Variants in KCNAB1 observed in about 807,000 individuals in gnomAD.
KCNAB1 encodes the protein voltage-gated potassium channel subunit beta-1.
Under a neutral mutation model 64.6 loss-of-function variants are expected in KCNAB1, and 35 were observed. The ratio of observed to expected loss-of-function variants is 0.54; its 90% CI spans 0.41 to 0.72. The LOEUF (loss-of-function observed/expected upper bound fraction) is 0.72, where lower values mean the gene tolerates loss of function less well. Among genes scored for constraint, KCNAB1 ranks in the 30% least tolerant of loss-of-function variants. The probability of loss-of-function intolerance (pLI) is 0.00; values close to 1 mark genes in which losing one functional copy is unlikely to be tolerated. For missense variants in KCNAB1, 401 were observed against 512.9 expected (o/e 0.78, Z 2.11); for synonymous variants, 177 against 183.8 (o/e 0.96, Z 0.30).
intron 8 of KCNAB1, among the ~76,000 whole-genome samples, chr3:156,484,663 A>G (rs2108338967): frequency 6.6e-6 from 1 of 152,102 alleles, no homozygotes; most frequent in African/African-American, 2.4e-5. Flanking sequence ...GCAGCAACAC[A>G]CTCTGAGGGT....
chr3:156,406,659 G>A (rs759978740), intron 1 of KCNAB1, among the ~76,000 whole-genome samples: 7 of 152,112 alleles, frequency 4.6e-5, no homozygotes, highest in Non-Finnish European at 8.8e-5. Context: ...TTGTCATGTT[G>A]GTCACTTAAC....
intron 2 of KCNAB1, among the ~76,000 whole-genome samples, chr3:156,445,519 C>T (rs1056302862): frequency 1.2e-4 from 18 of 152,114 alleles, no homozygotes; most frequent in African/African-American, 4.1e-4. Context: ...TATTCAAATG[C>T]GCAGTTGTGG....
At chr3:156,335,853 G>GTT (rs4056366) in intron 1 of KCNAB1, among the ~76,000 whole-genome samples, 28,512 of 135,102 alleles carry the variant, frequency 0.21, 2,945 homozygotes, top group South Asian at 0.41. Flanking sequence ...AATTGTTTGG[G>GTT]TTTTTTTTTT....
intron 1 of KCNAB1, among the ~76,000 whole-genome samples, chr3:156,218,306 C>T (rs1402639125): frequency 6.6e-6 from 1 of 152,162 alleles, no homozygotes; most frequent in African/African-American, 2.4e-5. Flanking sequence ...GGACTGGGAA[C>T]CACATTGCCA....
chr3:156,301,649 G>C (rs1721162255), intron 1 of KCNAB1, among the ~76,000 whole-genome samples: 1 of 152,214 alleles, frequency 6.6e-6, no homozygotes, highest in Admixed American at 6.5e-5. Flanking sequence ...CAAGGAAGGA[G>C]TTTAAGGTTT....
chr3:156,291,946 G>T, intron 1 of KCNAB1: 2 of 1,614,176 alleles, frequency 1.2e-6, no homozygotes, highest in Non-Finnish European at 8.5e-7. Context: ...ACAATTTGAA[G>T]AGTCGGAATG....
chr3:156,354,489 C>T (rs898653536), intron 1 of KCNAB1, among the ~76,000 whole-genome samples: 3 of 151,910 alleles, frequency 2.0e-5, no homozygotes, highest in Admixed American at 1.3e-4. Context: ...ATTTAAGCCT[C>T]AAATCACCGG....
intron 1 of KCNAB1, among the ~76,000 whole-genome samples, chr3:156,360,558 T>C (rs998463212): frequency 1.3e-5 from 2 of 151,746 alleles, no homozygotes; most frequent in Non-Finnish European, 2.9e-5. Flanking sequence ...AAAATAAAAA[T>C]AAAAAATTAG....
At chr3:156,419,038 A>C (rs760051540) in intron 1 of KCNAB1, among the ~76,000 whole-genome samples, 1 of 152,180 alleles carries the variant, frequency 6.6e-6, no homozygotes. Flanking sequence ...GCTAGTTTGC[A>C]GTTTGTTTTT....
intron 1 of KCNAB1, among the ~76,000 whole-genome samples, chr3:156,148,205 C>G (rs1006710231): frequency 2.0e-4 from 31 of 152,202 alleles, no homozygotes; most frequent in African/African-American, 7.5e-4. Context: ...CTCCAACCCA[C>G]AGGGTCTCCT....
chr3:156,478,074 G>A (rs775779327), intron 8 of KCNAB1, among the ~76,000 whole-genome samples: 21 of 152,202 alleles, frequency 1.4e-4, no homozygotes, highest in Middle Eastern at 3.4e-3. Flanking sequence ...GTTAGTTAAT[G>A]ATATTCTATT....
At chr3:156,330,036 C>T (rs114508500) in intron 1 of KCNAB1, among the ~76,000 whole-genome samples, 2,173 of 151,678 alleles carry the variant, frequency 0.014, 21 homozygotes, top group South Asian at 0.031. Context: ...ATTAATTTCC[C>T]GAAATAGAAT....
At chr3:156,500,674 A>G (rs1221379904) in intron 8 of KCNAB1, among the ~76,000 whole-genome samples, 1 of 152,230 alleles carries the variant, frequency 6.6e-6, no homozygotes, top group Non-Finnish European at 1.5e-5. Flanking sequence ...TCGTTTAGCT[A>G]TTCTAAGTTA....
rs1011355161 is a variant in KCNAB1, at chr3:156,463,826, C to T, written c.527+80C>T. The T allele has an allele frequency of 3.1e-5, 35 of 1,114,154 alleles. No individual in the cohort carries two copies. In the African/African-American group the frequency reaches 4.0e-4, roughly 13 times the overall value. The allele number at this position is 1,114,154 out of a possible 1,614,324, so 69.0% of individuals were successfully genotyped here. A position where few individuals can be genotyped will look rare whatever the true frequency, so the allele number is the denominator to read the frequency against. Reference sequence around the variant, plus strand: ...TGTTAGGCAGTTATTTTACATATAACGTACCAAAATTAATTGGCTTAGAGA... The same window carrying T: ...TGTTAGGCAGTTATTTTACATATAATGTACCAAAATTAATTGGCTTAGAGA... On this transcript the variant is annotated intron_variant, in intron 6 of 13. Transcript: ENST00000490337.
At chr3:156,160,163 A>G (rs750846475) in intron 1 of KCNAB1, among the ~76,000 whole-genome samples, 10 of 152,196 alleles carry the variant, frequency 6.6e-5, no homozygotes, top group Non-Finnish European at 1.0e-4. Context: ...AGGAAACAGC[A>G]TGTTTGAAGG....
intron 1 of KCNAB1, among the ~76,000 whole-genome samples, chr3:156,256,534 C>T (rs531234614): frequency 9.2e-5 from 14 of 152,308 alleles, no homozygotes; most frequent in African/African-American, 3.4e-4. Flanking sequence ...TTAGCCCCAC[C>T]AATGTGAGTG....
intron 2 of KCNAB1, among the ~76,000 whole-genome samples, chr3:156,437,559 T>C (rs1261460968): frequency 6.6e-6 from 1 of 152,162 alleles, no homozygotes. Flanking sequence ...TGCACCTTAC[T>C]CTAGCAGGAC....
At chr3:156,460,074 C>G (rs1191400830) in intron 5 of KCNAB1, 1 of 498,134 alleles carries the variant, frequency 2.0e-6, no homozygotes, top group African/African-American at 2.0e-5. Context: ...TCATTGATCA[C>G]AATGAATTAC....
chr3:156,171,132 T>C (rs1043541693), intron 1 of KCNAB1, among the ~76,000 whole-genome samples: 1 of 151,256 alleles, frequency 6.6e-6, no homozygotes, highest in East Asian at 1.9e-4. Context: ...TTAAATATGT[T>C]GCCTAAGACC....
Sources: allele counts gnomAD v4.1 joint callset (sites outside exome capture counted in the v4.1 genomes callset), GRCh38; gene constraint gnomAD v4.1.1; transcripts MANE v1.5; gene names NCBI Gene and HGNC (gene_info 2026-07-23, HGNC 2026-07-21).